Variants in ATP8A2 observed in about 807,000 individuals in gnomAD.
ATP8A2 encodes the protein ATPase phospholipid transporting 8A2.
Under a neutral mutation model 165.6 loss-of-function variants are expected in ATP8A2, and 100 were observed. The observed-to-expected ratio is 0.60, with a 90% CI of 0.51 to 0.71. ATP8A2 has a LOEUF of 0.71. Among genes scored for constraint, ATP8A2 ranks in the 30% least tolerant of loss-of-function variants. ATP8A2 has a pLI of 0.00. For synonymous variants in ATP8A2, 543 were observed against 548.8 expected, an observed-to-expected ratio of 0.99 and a Z score of 0.15; for missense variants, 1,227 against 1,479.5, an observed-to-expected ratio of 0.83 and a Z score of 2.80.
chr13:25,784,479 T>G (rs1325172221), intron 27 of ATP8A2, among the ~76,000 whole-genome samples: 1 of 152,242 alleles, frequency 6.6e-6, no homozygotes, highest in South Asian at 2.1e-4. Flanking sequence ...TAGTACTGAT[T>G]GCAGGCAAGG....
chr13:25,812,667 A>G (rs1296583648), intron 27 of ATP8A2, among the ~76,000 whole-genome samples: 1 of 151,584 alleles, frequency 6.6e-6, no homozygotes, highest in East Asian at 2.0e-4. Context: ...GTGAAGTATA[A>G]CAAGTGATCA....
At chr13:25,428,433 T>C (rs539379843) in intron 1 of ATP8A2, among the ~76,000 whole-genome samples, 82 of 152,308 alleles carry the variant, frequency 5.4e-4, no homozygotes, top group African/African-American at 1.5e-3. Context: ...TGAGCCATAG[T>C]GTCTACTCCT....
At chr13:25,657,910 G>C (rs2041968885) in intron 24 of ATP8A2, among the ~76,000 whole-genome samples, 1 of 152,310 alleles carries the variant, frequency 6.6e-6, no homozygotes, top group East Asian at 1.9e-4. Flanking sequence ...TGGGAGACCT[G>C]TCTTTTGCCT....
chr13:25,761,352 G>A (rs1277988541), intron 25 of ATP8A2, among the ~76,000 whole-genome samples: 1 of 152,160 alleles, frequency 6.6e-6, no homozygotes, highest in Non-Finnish European at 1.5e-5. Context: ...ATATTAGTCA[G>A]TCAGCAAGTT....
intron 27 of ATP8A2, among the ~76,000 whole-genome samples, chr13:25,801,557 C>T (rs998734214): frequency 1.3e-5 from 2 of 152,104 alleles, no homozygotes; most frequent in Non-Finnish European, 2.9e-5. Flanking sequence ...AGAGGAACTG[C>T]TTCTGGGTAC....
intron 27 of ATP8A2, among the ~76,000 whole-genome samples, chr13:25,825,501 C>G (rs1480524530): frequency 2.6e-5 from 4 of 151,862 alleles, no homozygotes; most frequent in Non-Finnish European, 5.9e-5. Flanking sequence ...TAGTTGATAA[C>G]AAGACAACAT....
At chr13:25,950,400 A>G (rs1325340521) in intron 33 of ATP8A2, among the ~76,000 whole-genome samples, 1 of 151,968 alleles carries the variant, frequency 6.6e-6, no homozygotes, top group Non-Finnish European at 1.5e-5. Context: ...TAAAATGATC[A>G]CTACCTGAAA....
intron 27 of ATP8A2, among the ~76,000 whole-genome samples, chr13:25,817,421 C>A (rs1951056519): frequency 6.7e-6 from 1 of 149,930 alleles, no homozygotes; most frequent in African/African-American, 2.5e-5. Flanking sequence ...TTTGCAGAAA[C>A]AGAGACATTT....
chr13:25,452,885 A>G (rs536825284), intron 1 of ATP8A2, among the ~76,000 whole-genome samples: 24 of 152,158 alleles, frequency 1.6e-4, no homozygotes, highest in African/African-American at 5.8e-4. Context: ...ACTTGAGGCC[A>G]GGTGTTTGAG....
chr13:25,960,632 C>T (rs530768520), intron 33 of ATP8A2, among the ~76,000 whole-genome samples: 3 of 152,116 alleles, frequency 2.0e-5, no homozygotes, highest in East Asian at 1.9e-4. Flanking sequence ...CTCCAGGCTC[C>T]GGGCTTTTGC....
At chr13:25,927,089 C>A (rs1185907) in intron 33 of ATP8A2, 1 of 454,114 alleles carries the variant, frequency 2.2e-6, no homozygotes, top group African/African-American at 2.0e-5. Flanking sequence ...TTCATTCATT[C>A]ACCTTCTTCC....
intron 35 of ATP8A2, among the ~76,000 whole-genome samples, chr13:25,992,787 A>G (rs997780880): frequency 1.3e-5 from 2 of 151,692 alleles, no homozygotes; most frequent in Middle Eastern, 3.4e-3. Context: ...CGCTGCACCC[A>G]CTAACTCGTC....
At chr13:25,549,291 C>A (rs1451912245) in intron 10 of ATP8A2, among the ~76,000 whole-genome samples, 2 of 152,010 alleles carry the variant, frequency 1.3e-5, no homozygotes, top group African/African-American at 4.8e-5. Flanking sequence ...AACCCCATTT[C>A]TACTAAAAAT....
chr13:25,756,919 G>A (rs771429451), intron 25 of ATP8A2, among the ~76,000 whole-genome samples: 2 of 152,200 alleles, frequency 1.3e-5, no homozygotes, highest in Non-Finnish European at 2.9e-5. Flanking sequence ...GAGGACCAGG[G>A]AGGGGGTCTG....
intron 33 of ATP8A2, among the ~76,000 whole-genome samples, chr13:25,931,500 A>G (rs997437666): frequency 1.3e-5 from 2 of 152,080 alleles, no homozygotes; most frequent in African/African-American, 4.8e-5. Flanking sequence ...ACTGTGCCCC[A>G]TGGGCTCTGG....
At chr13:25,590,914 C>A (rs1474225333) in intron 24 of ATP8A2, among the ~76,000 whole-genome samples, 4 of 152,090 alleles carry the variant, frequency 2.6e-5, no homozygotes, top group Non-Finnish European at 5.9e-5. Flanking sequence ...CAAGAGACCA[C>A]CCTCTGGCGT....
chr13:25,652,195 A>G (rs1411030534), intron 24 of ATP8A2, among the ~76,000 whole-genome samples: 1 of 152,240 alleles, frequency 6.6e-6, no homozygotes, highest in Non-Finnish European at 1.5e-5. Context: ...TTTAAAAAAT[A>G]TATATCATAG....
chr13:25,530,599 C>T lies in ATP8A2; in HGVS notation c.359C>T (p.Thr120Ile). ...GTATCTCCAACAGGAAGATATACCA[C>T]CCTGGTGCCATTGATCATTATTTTA... is the stretch of plus-strand genomic sequence containing the variant. Reference protein sequence around the residue: ...PDVSPTGRYTTLVPLIIILTI... With the variant: ...PDVSPTGRYTILVPLIIILTI... Residue 120 changes from threonine (T) to isoleucine (I), a missense_variant, in exon 4 of 37, where the codon ACC (threonine) becomes ATC (isoleucine). This residue lies in a region of ATP8A2 where 356 missense variants were observed against 394.9 expected (regional missense o/e 0.90). Coordinates refer to ENST00000381655, the MANE Select transcript of ATP8A2 (RefSeq NM_016529.6). 2 of 1,593,058 alleles carry T rather than the reference C, an allele frequency of 1.3e-6. No individual in the cohort carries two copies. Among genetic ancestry groups the T allele is most frequent in the South Asian group, 1.1e-5 (1 of 88,174 alleles).
chr13:25,512,798 T>C (rs1351164804), intron 2 of ATP8A2, among the ~76,000 whole-genome samples: 1 of 120,140 alleles, frequency 8.3e-6, no homozygotes, highest in South Asian at 2.9e-4. Context: ...CCCCCCCATC[T>C]CCCTCCCGTA....
Sources: gnomAD v4.1 joint callset for allele counts (sites outside exome capture counted in the v4.1 genomes callset) on GRCh38, gnomAD v4.1.1 for gene constraint, gnomAD v4.1.1 regional missense constraint, MANE v1.5 for transcripts, NCBI Gene and HGNC (gene_info 2026-07-23, HGNC 2026-07-21) for gene names.